Variants in PRDM5 observed in about 807,000 individuals in gnomAD.
PRDM5 encodes PR domain zinc finger protein 5.
Under a neutral mutation model 81.2 loss-of-function variants are expected in PRDM5, and 56 were observed. The observed-to-expected ratio is 0.69, with a 90% CI of 0.56 to 0.86. PRDM5 has a LOEUF of 0.86. Among genes scored for constraint, PRDM5 ranks in the 40% least tolerant of loss-of-function variants. PRDM5 has a pLI of 0.00. For missense variants in PRDM5, 697 were observed against 770.1 expected, an observed-to-expected ratio of 0.91 and a Z score of 1.12; for synonymous variants, 267 against 256.4, an observed-to-expected ratio of 1.04 and a Z score of -0.39.
intron 2 of PRDM5, among the ~76,000 whole-genome samples, chr4:120,861,599 A>G (rs1298691892): frequency 6.6e-6 from 1 of 151,934 alleles, no homozygotes; most frequent in Non-Finnish European, 1.5e-5. Context: ...GGAATTTGAG[A>G]CCAGCCTGGC....
At chr4:120,798,153 G>T in intron 10 of PRDM5, 114 bp downstream of exon 10, 1 of 710,578 alleles carries the variant, frequency 1.4e-6, no homozygotes, top group Non-Finnish European at 2.2e-6. Context: ...ATCTTCTCTA[G>T]TTGTTGCATT....
chr4:120,692,918 C>A lies in PRDM5; in HGVS notation c.*2193G>T, dbSNP rs1734167129. ...TTTTAGCAAGCAAATGCTAATATAT[C>A]TGAAACTACCCATGAATACTTGTCT... On this transcript the variant is annotated 3_prime_UTR_variant, in exon 16 of 16. Transcript: ENST00000264808. 1 of 152,046 alleles carries A rather than the reference C, an allele frequency of 6.6e-6. No individual in the cohort carries two copies. The allele number at this position is 152,046 out of a possible 1,614,324, so 9.4% of individuals were successfully genotyped here.
intron 14 of PRDM5, among the ~76,000 whole-genome samples, chr4:120,721,407 T>C (rs1738584425): frequency 6.6e-6 from 1 of 152,126 alleles, no homozygotes; most frequent in Admixed American, 6.5e-5. Flanking sequence ...CCAAGGTGCC[T>C]CTAATGCGCA....
At chr4:120,904,206 C>CAA (rs1157460080) in intron 2 of PRDM5, among the ~76,000 whole-genome samples, 9 of 108,244 alleles carry the variant, frequency 8.3e-5, no homozygotes, top group African/African-American at 1.1e-4. Flanking sequence ...AAAAAAAAAA[C>CAA]AAAAAAACCT....
At chr4:120,792,243 A>T (rs2149266743) in intron 10 of PRDM5, among the ~76,000 whole-genome samples, 1 of 152,326 alleles carries the variant, frequency 6.6e-6, no homozygotes, top group South Asian at 2.1e-4. Flanking sequence ...TAATTAACAA[A>T]TAATTTGTAC....
intron 8 of PRDM5, among the ~76,000 whole-genome samples, chr4:120,804,087 A>T (rs906446127): frequency 6.6e-6 from 1 of 152,218 alleles, no homozygotes; most frequent in Non-Finnish European, 1.5e-5. Context: ...ACCAACAAAG[A>T]TCAAAAGAGA....
chr4:120,716,181 TTGC>T (rs1457434810), intron 14 of PRDM5, among the ~76,000 whole-genome samples: 1 of 152,220 alleles, frequency 6.6e-6, no homozygotes, highest in Non-Finnish European at 1.5e-5. Context: ...ATACATGCTA[TTGC>T]TGATTAATTT....
At position 120,694,792 on chromosome 4, in the gene PRDM5, A is replaced by G; in HGVS notation, c.*319T>C. On this transcript the variant is annotated 3_prime_UTR_variant, in exon 16 of 16. Coordinates refer to ENST00000264808, the MANE Select transcript of PRDM5 (RefSeq NM_018699.4). ...AATAAAATAAAAAGGCCTATTAGGG[A>G]AGTATATTATAAACTTCATTACAGA... 3.1e-6 allele frequency: 1 copy of G among 320,436 alleles called. No individual in the cohort carries two copies. Among genetic ancestry groups the G allele is most frequent in the Non-Finnish European group, 5.9e-6 (1 of 168,468 alleles). 19.8% of individuals were successfully genotyped at this position (320,436 alleles called of 1,614,324 possible). A position where few individuals can be genotyped will look rare whatever the true frequency, so the allele number is the denominator to read the frequency against.
intron 14 of PRDM5, among the ~76,000 whole-genome samples, chr4:120,733,654 G>A (rs942341673): frequency 6.6e-6 from 1 of 152,074 alleles, no homozygotes; most frequent in Non-Finnish European, 1.5e-5. Flanking sequence ...CCCCTTCTGG[G>A]TATGCAGAGA....
chr4:120,736,547 A>G (rs1383580722), intron 14 of PRDM5, among the ~76,000 whole-genome samples: 4 of 152,132 alleles, frequency 2.6e-5, no homozygotes, highest in Non-Finnish European at 5.9e-5. Context: ...AAGCCCAAAC[A>G]TGTTTATCCA....
chr4:120,802,819 C>T (rs558862579), intron 8 of PRDM5, among the ~76,000 whole-genome samples: 13 of 152,292 alleles, frequency 8.5e-5, no homozygotes, highest in East Asian at 3.9e-4. Context: ...TCCAAAGGAA[C>T]GCAGCTCCTT....
intron 8 of PRDM5, 127 bp from the exon 9 acceptor site, chr4:120,799,872 C>T: frequency 6.8e-7 from 1 of 1,469,412 alleles, no homozygotes; most frequent in African/African-American, 1.4e-5. Context: ...TACAATTCAG[C>T]CCTAATTTGT....
chr4:120,795,896 G>A (rs529668305), intron 10 of PRDM5, among the ~76,000 whole-genome samples: 1 of 152,170 alleles, frequency 6.6e-6, no homozygotes, highest in African/African-American at 2.4e-5. Flanking sequence ...CTGAGTGACA[G>A]AGTGAGACTC....
At chr4:120,729,446 G>A (rs553181280) in intron 14 of PRDM5, among the ~76,000 whole-genome samples, 2 of 152,168 alleles carry the variant, frequency 1.3e-5, no homozygotes, top group African/African-American at 4.8e-5. Flanking sequence ...GGCCCCATAG[G>A]TCCTTCAAAG....
chr4:120,921,222 C>T (rs1724869620), intron 1 of PRDM5, among the ~76,000 whole-genome samples: 1 of 152,150 alleles, frequency 6.6e-6, no homozygotes. Flanking sequence ...AGAATTTCAA[C>T]TCTGTACAGA....
chr4:120,901,105 C>T (rs1765176831), intron 2 of PRDM5, among the ~76,000 whole-genome samples: 1 of 152,022 alleles, frequency 6.6e-6, no homozygotes, highest in Admixed American at 6.6e-5. Flanking sequence ...ATTTCAGTAG[C>T]TTTGGGGGTA....
chr4:120,789,413 A>G (rs1489816186), intron 10 of PRDM5, among the ~76,000 whole-genome samples: 1 of 152,196 alleles, frequency 6.6e-6, no homozygotes, highest in African/African-American at 2.4e-5. Flanking sequence ...CTGACTATCA[A>G]GAATATATAT....
intron 2 of PRDM5, among the ~76,000 whole-genome samples, chr4:120,858,428 C>T (rs962328974): frequency 1.3e-5 from 2 of 152,192 alleles, no homozygotes; most frequent in Admixed American, 6.5e-5. Context: ...GGGAGACACA[C>T]TTTCAGAAAT....
At chr4:120,878,933 T>C (rs1051831153) in intron 2 of PRDM5, among the ~76,000 whole-genome samples, 2 of 152,198 alleles carry the variant, frequency 1.3e-5, no homozygotes, top group Non-Finnish European at 2.9e-5. Context: ...CATTCACTGC[T>C]GAGTGGAATG....
Sources: allele counts gnomAD v4.1 joint callset (sites outside exome capture counted in the v4.1 genomes callset), GRCh38; gene constraint gnomAD v4.1.1; transcripts MANE v1.5; gene names NCBI Gene and HGNC (gene_info 2026-07-23, HGNC 2026-07-21).